The following ZBTB7B variants were observed in gnomAD, a reference collection of about 807,000 sequenced individuals.
ZBTB7B encodes the protein zinc finger and BTB domain-containing protein 7B.
ZBTB7B carries 8 observed loss-of-function variants against 31.0 expected under a neutral mutation model. That is an observed-to-expected ratio of 0.26 (90% CI 0.15 to 0.47). The LOEUF is 0.47. Among genes scored for constraint, ZBTB7B ranks in the 20% least tolerant of loss-of-function variants. ZBTB7B has a pLI of 0.99. For synonymous variants in ZBTB7B, 261 were observed against 307.3 expected, an observed-to-expected ratio of 0.85 and a Z score of 1.58; for missense variants, 494 against 742.4, an observed-to-expected ratio of 0.67 and a Z score of 3.89.
chr1:155,010,976 C>T, intron 1 of ZBTB7B: 1 of 1,535,778 alleles, frequency 6.5e-7, no homozygotes, highest in South Asian at 1.2e-5. Context: ...CTGGAGAAGC[C>T]TGGCCAGGCC....
In ZBTB7B at chr1:155,016,185, A is replaced by C. The variant is rs1659394196; in HGVS notation, c.1155-35A>C. On this transcript the variant is annotated intron_variant, in intron 2 of 2. Coordinates refer to ENST00000535420, the MANE Select transcript of ZBTB7B (RefSeq NM_001256455.2). This position sits in a 1 kb window ranked among gnomAD's most constrained non-coding sequence, Gnocchi z 4.3. ...AGGAGGAGCCAGGGATCCCATCCTG[A>C]ACACCTCCCTGCCCCTCACCCCTGC... The C allele has an allele frequency of 6.3e-7, 1 of 1,596,342 alleles. No homozygotes were observed. Among genetic ancestry groups the C allele is most frequent in the Non-Finnish European group, 8.6e-7 (1 of 1,168,520 alleles).
rs994195828 is a variant in ZBTB7B at position 155,003,698 on chromosome 1, C to G, written c.-7+755C>G. On this transcript the variant is annotated intron_variant, in intron 1 of 2. Transcript: ENST00000535420. The surrounding 1 kb of genome is among the most constrained non-coding windows in gnomAD (Gnocchi z 5.8). ...AATTCTCCTACCTACTACCCGTCCC[C>G]CCACCGGCGCCGGCGCACCTGCCCC... 6.6e-6 allele frequency among the ~76,000 whole-genome samples: 1 copy of G among 152,204 alleles called. No individual in the cohort carries two copies.
chr1:155,017,354 A>AGTAGAGGGGCCCCGCCC lies in ZBTB7B; in HGVS notation c.*670_*686dup. The AGTAGAGGGGCCCCGCCC allele has an allele frequency of 6.6e-6, 1 of 152,408 alleles. No homozygotes were observed. Among genetic ancestry groups the AGTAGAGGGGCCCCGCCC allele is most frequent in the East Asian group, 1.9e-4 (1 of 5,164 alleles). The allele number at this position is 152,408 out of a possible 1,614,324, so 9.4% of individuals were successfully genotyped here. A position where few individuals can be genotyped will look rare whatever the true frequency, so the allele number is the denominator to read the frequency against. Reference sequence around the variant, plus strand: ...GATTGGCTCGCCTGCCCCTGGGGGCAGTAGAGGGGCCCCGCCCAGCTAGGG... The same window carrying AGTAGAGGGGCCCCGCCC: ...GATTGGCTCGCCTGCCCCTGGGGGCAGTAGAGGGGCCCCGCCCGTAGAGGGGCCCCGCCCAGCTAGGG... On this transcript the variant is annotated 3_prime_UTR_variant, in exon 3 of 3. Transcript: ENST00000535420.
chr1:155,011,557 G>A (rs1658984322), intron 1 of ZBTB7B, among the ~76,000 whole-genome samples: 1 of 152,188 alleles, frequency 6.6e-6, no homozygotes, highest in Non-Finnish European at 1.5e-5. Flanking sequence ...GCCTGGGGGG[G>A]TGGCGGGAAA....
chr1:155,018,474 C>T lies in ZBTB7B; in HGVS notation c.*1789C>T, dbSNP rs188509639. ...ATTCCCTTCCCCCCACCCCAACTCC[C>T]CCACCTCGGGTGTAAGCGACAGGAA... On this transcript the variant is annotated 3_prime_UTR_variant, in exon 3 of 3. Coordinates refer to ENST00000535420, the MANE Select transcript of ZBTB7B (RefSeq NM_001256455.2). 6.8e-7 allele frequency: 1 copy of T among 1,469,678 alleles called. No individual in the cohort carries two copies. Among genetic ancestry groups the T allele is most frequent in the African/African-American group, 1.4e-5 (1 of 71,492 alleles). 91.0% of individuals were successfully genotyped at this position (1,469,678 alleles called of 1,614,324 possible). A position where few individuals can be genotyped will look rare whatever the true frequency, so the allele number is the denominator to read the frequency against.
chr1:155,009,905 G>A (rs892568920), intron 1 of ZBTB7B, among the ~76,000 whole-genome samples: 2 of 152,090 alleles, frequency 1.3e-5, no homozygotes, highest in Non-Finnish European at 2.9e-5. Context: ...GAGAGGCAGG[G>A]ACAGTTCCTG....
At position 155,015,207 on chromosome 1, in the gene ZBTB7B, C is replaced by A. The variant is rs771772767; in HGVS notation, c.547C>A (p.Gln183Lys). 48 of 1,613,694 alleles carry A rather than the reference C, an allele frequency of 3.0e-5. No individual in the cohort carries two copies. The highest frequency in any genetic ancestry group is 3.4e-6 in the Non-Finnish European group (4 of 1,180,026). Residue 183 changes from glutamine (Q) to lysine (K), a missense_variant, in exon 2 of 3, where the codon CAG becomes AAG. Coordinates refer to ENST00000535420, the MANE Select transcript of ZBTB7B (RefSeq NM_001256455.2). The stretch of plus-strand genomic sequence containing the variant: ...TCCCAATGGTGAAGACAGTCCTCCA[C>A]AGGTGCCCCTCCCACCACCTCCGCC... ...GVPNGEDSPP[Q>K]VPLPPPPPPP...
intron 1 of ZBTB7B, chr1:155,011,065 A>C: frequency 1.4e-6 from 2 of 1,410,354 alleles, no homozygotes; most frequent in Non-Finnish European, 9.7e-7. Context: ...CCTGTGTCCC[A>C]GGCCCATATC....
chr1:155,015,595 C>T lies in ZBTB7B; in HGVS notation c.935C>T (p.Pro312Leu). 1 of 1,613,810 alleles carries T rather than the reference C, an allele frequency of 6.2e-7. No individual in the cohort carries two copies. The highest frequency in any genetic ancestry group is 8.5e-7 in the Non-Finnish European group (1 of 1,179,998). ...ELGSDEDAID[P>L]DLMAYLSSLH... ...GGCTCAGATGAGGATGCCATCGATC[C>T]TGACCTGATGGCCTACCTAAGCTCC... Residue 312 changes from proline to leucine, a missense_variant, in exon 2 of 3, where the codon CCT (proline) becomes CTT (leucine). This residue lies in a region of ZBTB7B where 216 missense variants were observed against 229.3 expected (regional missense o/e 0.94). Coordinates refer to ENST00000535420, the MANE Select transcript of ZBTB7B (RefSeq NM_001256455.2).
At chr1:155,009,354 G>A (rs1039921674) in intron 1 of ZBTB7B, among the ~76,000 whole-genome samples, 34 of 151,632 alleles carry the variant, frequency 2.2e-4, no homozygotes, top group South Asian at 2.1e-4. Context: ...CAGCCAGCTC[G>A]GTTACCCAGC....
In ZBTB7B at chr1:155,015,200, T is replaced by C. The variant is rs1659269758; in HGVS notation, c.540T>C (p.Ser180=). ...CTGGAGTTCCCAATGGTGAAGACAG[T>C]CCTCCACAGGTGCCCCTCCCACCAC... The part of the protein sequence containing the change: ...TASGVPNGED[S]PPQVPLPPPP... Residue 180 remains serine, a synonymous_variant, in exon 2 of 3, where the codon AGT becomes AGC. Coordinates refer to ENST00000535420, the MANE Select transcript of ZBTB7B (RefSeq NM_001256455.2). 1 of 1,613,654 alleles carries C rather than the reference T, an allele frequency of 6.2e-7. No individual in the cohort carries two copies. Among genetic ancestry groups the C allele is most frequent in the Non-Finnish European group, 8.5e-7 (1 of 1,179,980 alleles).
Position 155,003,067 on chromosome 1 carries a change from C to G in ZBTB7B, c.-7+124C>G, listed in dbSNP as rs566497633. On this transcript the variant is annotated intron_variant, in intron 1 of 2. Transcript: ENST00000535420. This position sits in a 1 kb window ranked among gnomAD's most constrained non-coding sequence, Gnocchi z 5.8. ...ACACGCATGCAGATCACATTCCCAC[C>G]ACTCCCCTTCCCTGTGCTTTCCCAA... 6.5e-6 allele frequency: 1 copy of G among 152,760 alleles called. No individual in the cohort carries two copies. Among genetic ancestry groups the G allele is most frequent in the South Asian group, 2.1e-4 (1 of 4,858 alleles). The allele number at this position is 152,760 out of a possible 1,614,324, so 9.5% of individuals were successfully genotyped here.
At chr1:155,007,951 C>T (rs1176412908) in intron 1 of ZBTB7B, among the ~76,000 whole-genome samples, 1 of 152,088 alleles carries the variant, frequency 6.6e-6, no homozygotes, top group Non-Finnish European at 1.5e-5. Context: ...ACCCCTCATT[C>T]CAGGAATAAG....
chr1:155,017,013 T>G lies in ZBTB7B; in HGVS notation c.*328T>G. On this transcript the variant is annotated 3_prime_UTR_variant, in exon 3 of 3. Coordinates refer to ENST00000535420, the MANE Select transcript of ZBTB7B (RefSeq NM_001256455.2). The stretch of plus-strand genomic sequence containing the variant: ...TCTAATTTGTGGGTCCCACTTCGGC[T>G]ATGCGGGTTTCTAGGGGGTGGGGGC... 1 of 236,162 alleles carries G rather than the reference T, an allele frequency of 4.2e-6. No individual in the cohort carries two copies. Among genetic ancestry groups the G allele is most frequent in the Admixed American group, 5.0e-5 (1 of 20,078 alleles). The allele number at this position is 236,162 out of a possible 1,614,324, so 14.6% of individuals were successfully genotyped here. A position where few individuals can be genotyped will look rare whatever the true frequency, so the allele number is the denominator to read the frequency against.
chr1:155,010,948 C>T, intron 1 of ZBTB7B: 1 of 1,535,892 alleles, frequency 6.5e-7, no homozygotes, highest in Non-Finnish European at 8.7e-7. Flanking sequence ...CATCCTCCCT[C>T]ACCCCAAGCT....
chr1:155,002,604 GT>G (rs1658301353), upstream of ZBTB7B: 1 of 52,404 alleles, frequency 1.9e-5, no homozygotes, highest in Non-Finnish European at 3.8e-5. Flanking sequence ...GGGGGGGGGA[GT>G]TTGGGGGGTG....
chr1:155,014,163 A>T, intron 1 of ZBTB7B: 4 of 892,656 alleles, frequency 4.5e-6, no homozygotes, highest in Non-Finnish European at 5.4e-6. Context: ...CTGTTACCTC[A>T]CTTTTCAAAT....
intron 1 of ZBTB7B, among the ~76,000 whole-genome samples, chr1:155,008,049 G>C (rs1037056976): frequency 1.1e-4 from 17 of 152,252 alleles, no homozygotes; most frequent in Admixed American, 9.1e-4. Context: ...GGCCCAGGCG[G>C]GTCCCACCCA....
At position 155,016,397 on chromosome 1, in the gene ZBTB7B, C is replaced by T; in HGVS notation, c.1332C>T (p.His444=). 1 of 1,614,178 alleles carries T rather than the reference C, an allele frequency of 6.2e-7. No individual in the cohort carries two copies. The highest frequency in any genetic ancestry group is 2.2e-5 in the East Asian group (1 of 44,884). Reference sequence around the variant, plus strand: ...ACAAGGCTTTCGCCAAGGAGGACCACCTGCAGCGCCACCTCAAAGGCCAGA... The same window carrying T: ...ACAAGGCTTTCGCCAAGGAGGACCATCTGCAGCGCCACCTCAAAGGCCAGA... The part of the protein sequence containing the change: ...LCHKAFAKED[H]LQRHLKGQNC... The change falls in exon 3 of 3, where the codon CAC becomes CAT. Residue 444 remains histidine (H), a synonymous_variant. Transcript: ENST00000535420. The surrounding 1 kb of genome is among the most constrained non-coding windows in gnomAD (Gnocchi z 4.3).
Sources: gnomAD v4.1 joint callset for allele counts (sites outside exome capture counted in the v4.1 genomes callset) on GRCh38, gnomAD v4.1.1 for gene constraint, gnomAD v4.1.1 regional missense constraint, Gnocchi (gnomAD v3.1) non-coding constraint, MANE v1.5 for transcripts, NCBI Gene and HGNC (gene_info 2026-07-23, HGNC 2026-07-21) for gene names.